Variants in CATSPERB observed in about 807,000 individuals in gnomAD.
CATSPERB encodes the protein catsper channel auxiliary subunit beta.
In CATSPERB, 93 loss-of-function variants were observed where a neutral mutation model predicts 128.3. The observed-to-expected ratio is 0.72, with a 90% CI of 0.61 to 0.86. The LOEUF (loss-of-function observed/expected upper bound fraction) is 0.86. Among genes scored for constraint, CATSPERB ranks in the 40% least tolerant of loss-of-function variants. The pLI is 0.00. For synonymous variants in CATSPERB, 381 were observed against 448.8 expected (o/e 0.85, Z 1.91); for missense variants, 1,153 against 1,329.5 (o/e 0.87, Z 2.06).
intron 26 of CATSPERB, among the ~76,000 whole-genome samples, chr14:91,583,582 T>C (rs1299216109): frequency 4.6e-5 from 7 of 152,186 alleles, no homozygotes; most frequent in Non-Finnish European, 8.8e-5. Context: ...TCTTCAACCA[T>C]CCAAATATTC....
chr14:91,605,052 T>C (rs1330990023), intron 22 of CATSPERB: 4 of 1,197,864 alleles, frequency 3.3e-6, no homozygotes, highest in African/African-American at 3.0e-5. Context: ...AATGGGACCT[T>C]GTCTTCCTTT....
chr14:91,696,169 T>C (rs1415531219), intron 7 of CATSPERB, among the ~76,000 whole-genome samples: 1 of 152,228 alleles, frequency 6.6e-6, no homozygotes, highest in African/African-American at 2.4e-5. Context: ...AAGATGGCAT[T>C]ACTGCCATCA....
intron 24 of CATSPERB, 46 bp downstream of exon 24, chr14:91,589,488 A>G (rs796992222): frequency 1.9e-6 from 3 of 1,573,844 alleles, no homozygotes; most frequent in Admixed American, 3.5e-5. Context: ...ACCAGTAACA[A>G]TATTACTTAT....
chr14:91,694,438 CAAAAAAAAAAAAA>C (rs547649333), intron 7 of CATSPERB, among the ~76,000 whole-genome samples: 5 of 65,748 alleles, frequency 7.6e-5, no homozygotes, highest in South Asian at 6.3e-4. Flanking sequence ...GACCCTATCT[CAAAAAAAAAAAAA>C]AAAAAAAAAA....
chr14:91,592,224 G>A (rs553313426), intron 22 of CATSPERB: 822 of 526,342 alleles, frequency 1.6e-3, no homozygotes, highest in Non-Finnish European at 2.4e-3. Flanking sequence ...TTACTCAGCC[G>A]CTTGCCGTTC....
intron 15 of CATSPERB, among the ~76,000 whole-genome samples, chr14:91,656,925 A>T (rs1490381850): frequency 6.6e-6 from 1 of 152,184 alleles, no homozygotes; most frequent in East Asian, 1.9e-4. Flanking sequence ...GAGGGTCATT[A>T]TATAATGATA....
At chr14:91,660,022 A>AT in intron 14 of CATSPERB, 41 bp from the exon 15 acceptor site, 1 of 1,527,886 alleles carries the variant, frequency 6.5e-7, no homozygotes, top group Non-Finnish European at 8.7e-7. Flanking sequence ...AAGGGCTGCC[A>AT]TGCAACAGTT....
intron 19 of CATSPERB, among the ~76,000 whole-genome samples, chr14:91,618,188 G>C (rs896496619): frequency 6.6e-5 from 10 of 152,136 alleles, no homozygotes; most frequent in African/African-American, 2.2e-4. Context: ...TGGTGCTGGT[G>C]GGAGTGTAGC....
At chr14:91,613,274 T>C (rs1247581544) in intron 20 of CATSPERB, among the ~76,000 whole-genome samples, 1 of 152,104 alleles carries the variant, frequency 6.6e-6, no homozygotes, top group Non-Finnish European at 1.5e-5. Flanking sequence ...TTGACTATTG[T>C]TTAATTTAGG....
chr14:91,710,348 C>T (rs1466686879), intron 5 of CATSPERB: 1 of 152,108 alleles, frequency 6.6e-6, no homozygotes. Flanking sequence ...ATAGCTGTAG[C>T]CCATAAGAGT....
At chr14:91,660,098 C>A in intron 14 of CATSPERB, 117 bp from the exon 15 acceptor site, 1 of 681,902 alleles carries the variant, frequency 1.5e-6, no homozygotes, top group Non-Finnish European at 2.3e-6. Context: ...TGCCTACATT[C>A]ATCTCTCTCT....
intron 22 of CATSPERB, among the ~76,000 whole-genome samples, chr14:91,597,043 C>T (rs1055073614): frequency 2.0e-5 from 3 of 150,970 alleles, no homozygotes; most frequent in South Asian, 4.2e-4. Context: ...CCCACCACCA[C>T]GCCCAGCTAA....
At chr14:91,610,825 A>G (rs539956905) in intron 20 of CATSPERB, 148 bp from the exon 21 acceptor site, 400 of 690,636 alleles carry the variant, frequency 5.8e-4, no homozygotes, top group Non-Finnish European at 8.5e-4. Context: ...GAGGTAATTA[A>G]GGTAAAATGA....
chr14:91,665,519 G>A (rs116650467), intron 14 of CATSPERB, among the ~76,000 whole-genome samples: 1,558 of 152,278 alleles, frequency 0.01, 22 homozygotes, highest in African/African-American at 0.033. Context: ...AATGCAAATT[G>A]TGTTCCTCTT....
chr14:91,699,614 C>T (rs1030549683), intron 7 of CATSPERB, among the ~76,000 whole-genome samples: 4 of 151,026 alleles, frequency 2.6e-5, no homozygotes, highest in Non-Finnish European at 4.4e-5. Context: ...GCTCTTGTCA[C>T]CCAGGCTGGA....
intron 15 of CATSPERB, among the ~76,000 whole-genome samples, chr14:91,657,178 G>A (rs142556657): frequency 9.9e-4 from 150 of 152,044 alleles, no homozygotes; most frequent in African/African-American, 3.5e-3. Flanking sequence ...TAGACCAAAT[G>A]GACCTAATAG....
intron 22 of CATSPERB, among the ~76,000 whole-genome samples, chr14:91,598,649 G>C (rs999841988): frequency 6.6e-6 from 1 of 152,038 alleles, no homozygotes; most frequent in African/African-American, 2.4e-5. Context: ...ACAAGGTCAG[G>C]AGATCAAGAC....
At chr14:91,604,353 T>C in intron 22 of CATSPERB, 1 of 825,172 alleles carries the variant, frequency 1.2e-6, no homozygotes, top group Non-Finnish European at 2.1e-6. Flanking sequence ...AGAGGAAGGA[T>C]TCAGCCAGTG....
chr14:91,659,627 T>C (rs1424708380), intron 15 of CATSPERB, among the ~76,000 whole-genome samples: 1 of 152,214 alleles, frequency 6.6e-6, no homozygotes, highest in African/African-American at 2.4e-5. Flanking sequence ...AAAATATCTC[T>C]GAAATGGTAA....
Sources: gnomAD v4.1 joint callset for allele counts (sites outside exome capture counted in the v4.1 genomes callset) on GRCh38, gnomAD v4.1.1 for gene constraint, MANE v1.5 for transcripts, NCBI Gene and HGNC (gene_info 2026-07-23, HGNC 2026-07-21) for gene names.